The following GSE1 variants were observed in gnomAD, a reference collection of about 807,000 sequenced individuals.
GSE1 encodes the protein genetic suppressor element 1.
GSE1 carries 32 observed loss-of-function variants against 112.6 expected under a neutral mutation model. That is an observed-to-expected ratio of 0.28 (90% confidence interval 0.21 to 0.38). GSE1 has a LOEUF of 0.38. GSE1 is among the 10% of genes least tolerant of loss of function. GSE1 has a pLI of 1.00. For missense variants in GSE1, 2,348 were observed against 1,699.2 expected, an observed-to-expected ratio of 1.38 and a Z score of -6.71; for synonymous variants, 1,115 against 735.6, an observed-to-expected ratio of 1.52 and a Z score of -8.35.
chr16:85,356,363 C>T (rs1056516298), intron 1 of GSE1, among the ~76,000 whole-genome samples: 16 of 152,362 alleles, frequency 1.1e-4, no homozygotes, highest in East Asian at 1.9e-4. Context: ...CGCACGGGTC[C>T]GTTCCCTTGG....
At position 85,242,462 on chromosome 16, in the gene GSE1, C is replaced by T. The variant is rs533481395; in HGVS notation, c.2283+70655C>T. Among the ~76,000 whole-genome samples the T allele has an allele frequency of 5.3e-5, 8 of 152,370 alleles. No individual in the cohort carries two copies. The East Asian group carries it at 9.6e-4, about 18-fold the overall frequency. On this transcript the variant is annotated intron_variant, in intron 1 of 2. Coordinates refer to the GSE1 transcript ENST00000637419. ...ACCTTCCATCTTTCTGTCGGTGCCC[C>T]GCAGGGCAGGGCCTGTGCTCGGCCA...
At position 85,586,647 on chromosome 16, in the gene GSE1, C is replaced by A. The variant is rs147999150; in HGVS notation, c.37+30284C>A. Among the ~76,000 whole-genome samples, 1,257 of 152,352 alleles carry A rather than the reference C, an allele frequency of 8.3e-3. 22 individuals carry two copies. The highest frequency in any genetic ancestry group is 0.027 in the African/African-American group (1,133 of 41,580). The stretch of plus-strand genomic sequence containing the variant: ...GCCCGACGCCGGCCCCCGCGCCCCC[C>A]CGACTGCCGTGCTCCATGGCTTCCC... On this transcript the variant is annotated intron_variant, in intron 1 of 2. Coordinates refer to the GSE1 transcript ENST00000635906.
chr16:85,189,162 C>T (rs2074771871), intron 1 of GSE1, among the ~76,000 whole-genome samples: 1 of 152,200 alleles, frequency 6.6e-6, no homozygotes, highest in African/African-American at 2.4e-5. Flanking sequence ...CTCCGGGGAG[C>T]CTTCTTTGCT....
intron 2 of GSE1, among the ~76,000 whole-genome samples, chr16:85,519,368 G>A (rs867235421): frequency 4.1e-3 from 236 of 57,230 alleles, no homozygotes; most frequent in African/African-American, 0.013. Context: ...CACCATCACC[G>A]GTCTCCATCA....
intron 2 of GSE1, among the ~76,000 whole-genome samples, chr16:85,508,335 C>T (rs1376404470): frequency 6.6e-6 from 1 of 152,158 alleles, no homozygotes; most frequent in Non-Finnish European, 1.5e-5. Context: ...CGCCCGGCCT[C>T]CCTCACTTAT....
At chr16:85,525,259 CA>C (rs201696590) in intron 2 of GSE1, among the ~76,000 whole-genome samples, 1 of 152,036 alleles carries the variant, frequency 6.6e-6, no homozygotes, top group South Asian at 2.1e-4. Flanking sequence ...GTCCCCCCCC[CA>C]CTGATGGTGA....
At chr16:85,642,066 G>A (rs930172392) in intron 2 of GSE1, among the ~76,000 whole-genome samples, 3 of 152,260 alleles carry the variant, frequency 2.0e-5, no homozygotes, top group Non-Finnish European at 4.4e-5. Context: ...GGCCCAGCTG[G>A]CATCGCCGTT....
intron 2 of GSE1, among the ~76,000 whole-genome samples, chr16:85,453,368 C>T (rs993075059): frequency 3.9e-5 from 6 of 152,138 alleles, no homozygotes; most frequent in Admixed American, 6.5e-5. Flanking sequence ...GACTCAGCAT[C>T]GGGCGCTGGG....
intron 1 of GSE1, among the ~76,000 whole-genome samples, chr16:85,315,029 A>G (rs1490585641): frequency 1.4e-4 from 21 of 152,256 alleles, no homozygotes; most frequent in Admixed American, 1.4e-3. Flanking sequence ...AATCTGCAGC[A>G]TGTCCCAGGA....
chr16:85,551,049 GGT>G (rs762126103), upstream of GSE1, among the ~76,000 whole-genome samples: 53 of 152,254 alleles, frequency 3.5e-4, no homozygotes, highest in Admixed American at 1.1e-3. Flanking sequence ...GGAGGTGCGG[GGT>G]GAGTTTGCCC....
Position 85,286,489 on chromosome 16 carries a change from T to C in GSE1, c.2284-70974T>C, listed in dbSNP as rs1336820385. On this transcript the variant is annotated intron_variant, in intron 1 of 2. Transcript: ENST00000637419. ...TCCGTTCAAAGGATGGTCTTCCAAA[T>C]GTCCGTTCCCACATGGGGAGACTTC... Among the ~76,000 whole-genome samples the C allele has an allele frequency of 4.6e-5, 7 of 152,220 alleles. No homozygotes were observed. The South Asian group carries it at 1.4e-3, about 32-fold the overall frequency.
chr16:85,675,338 T>G lies in GSE1; in HGVS notation c.*2799T>G, dbSNP rs973295748. 1.3e-5 allele frequency: 2 copies of G among 152,166 alleles called. No individual in the cohort carries two copies. The highest frequency in any genetic ancestry group is 2.9e-5 in the Non-Finnish European group (2 of 68,028). 9.4% of individuals were successfully genotyped at this position (152,166 alleles called of 1,614,324 possible). A position where few individuals can be genotyped will look rare whatever the true frequency, so the allele number is the denominator to read the frequency against. On this transcript the variant is annotated 3_prime_UTR_variant, in exon 16 of 16. Transcript: ENST00000253458. The stretch of plus-strand genomic sequence containing the variant: ...CAGAGGGATACCTTCCAATAGTAAA[T>G]TATCTGGTTCCTCACTGAAACAAGT...
intron 2 of GSE1, among the ~76,000 whole-genome samples, chr16:85,388,390 G>A (rs1295722532): frequency 1.2e-4 from 17 of 137,740 alleles, no homozygotes; most frequent in South Asian, 2.4e-4. Flanking sequence ...ATGGATGGAT[G>A]GATGGATGGA....
intron 1 of GSE1, among the ~76,000 whole-genome samples, chr16:85,214,578 C>T (rs75740739): frequency 6.6e-6 from 1 of 152,252 alleles, no homozygotes; most frequent in African/African-American, 2.4e-5. Context: ...CCGAACTGCA[C>T]CGAGAATGAC....
At chr16:85,232,438 G>A (rs1011256431) in intron 1 of GSE1, among the ~76,000 whole-genome samples, 3 of 152,194 alleles carry the variant, frequency 2.0e-5, no homozygotes, top group African/African-American at 4.8e-5. Flanking sequence ...GATGGACAGG[G>A]GCTGATGGTG....
intron 1 of GSE1, among the ~76,000 whole-genome samples, chr16:85,323,483 G>A (rs553177178): frequency 2.0e-4 from 31 of 152,314 alleles, no homozygotes; most frequent in African/African-American, 5.8e-4. Context: ...GAGACAGGGC[G>A]TCTGGGGGGA....
intron 2 of GSE1, among the ~76,000 whole-genome samples, chr16:85,415,009 A>G (rs568665509): frequency 5.9e-5 from 9 of 152,224 alleles, no homozygotes; most frequent in African/African-American, 9.6e-5. Context: ...CAGTGGTCCA[A>G]TCATAGCTCA....
intron 2 of GSE1, chr16:85,359,512 G>C (rs2047020697): frequency 2.3e-6 from 1 of 426,894 alleles, no homozygotes; most frequent in Non-Finnish European, 4.8e-6. Context: ...CCTCACATCT[G>C]TAAGAGGGAG....
intron 1 of GSE1, among the ~76,000 whole-genome samples, chr16:85,624,515 G>A (rs1017260550): frequency 3.5e-4 from 54 of 152,322 alleles, no homozygotes; most frequent in African/African-American, 5.5e-4. Context: ...CCAAACAGCC[G>A]CCACAGGGTG....
Sources: gnomAD v4.1 joint callset for allele counts (sites outside exome capture counted in the v4.1 genomes callset) on GRCh38, gnomAD v4.1.1 for gene constraint, MANE v1.5 for transcripts, NCBI Gene and HGNC (gene_info 2026-07-23, HGNC 2026-07-21) for gene names.